The following PML variants were observed in gnomAD, a reference collection of about 807,000 sequenced individuals.
PML encodes protein PML.
In PML, 28 loss-of-function variants were observed where a neutral mutation model predicts 65.2. The observed-to-expected ratio is 0.43, with a 90% confidence interval of 0.32 to 0.59. The LOEUF (loss-of-function observed/expected upper bound fraction) is 0.59. Ranked by LOEUF, PML falls within the 20% of genes least tolerant of loss-of-function variation. PML has a pLI of 0.08. For missense variants in PML, 1,021 were observed against 1,203.4 expected (o/e 0.85, Z 2.24); for synonymous variants, 500 against 508.8 (o/e 0.98, Z 0.23).
Position 74,035,164 on chromosome 15 carries a change from T to C in PML, c.1710+634T>C, listed in dbSNP as rs369839253. The C allele has an allele frequency of 1.5e-5, 19 of 1,227,168 alleles. No individual in the cohort carries two copies. The highest frequency in any genetic ancestry group is 3.0e-5 in the African/African-American group (2 of 67,430). The allele number at this position is 1,227,168 out of a possible 1,614,324, so 76.0% of individuals were successfully genotyped here. On this transcript the variant is annotated intron_variant, in intron 7 of 8. Coordinates refer to ENST00000268058, the MANE Select transcript of PML (RefSeq NM_033238.3). The surrounding 1 kb of genome is among the most constrained non-coding windows in gnomAD (Gnocchi z 4.1). The stretch of plus-strand genomic sequence containing the variant: ...CCAGCCCTCAGTCTGAGGTTCTGTA[T>C]TGGAAAGTGCATGGAGCCCATGGAG...
chr15:74,035,201 ACAGTCCTCGCCAGCC>A lies in PML; in HGVS notation c.1710+674_1710+688del. 3 of 1,452,498 alleles carry A rather than the reference ACAGTCCTCGCCAGCC, an allele frequency of 2.1e-6. No homozygotes were observed. Among genetic ancestry groups the A allele is most frequent in the Admixed American group, 3.3e-5 (2 of 59,794 alleles). 90.0% of individuals were successfully genotyped at this position (1,452,498 alleles called of 1,614,324 possible). On this transcript the variant is annotated intron_variant, in intron 7 of 8. Transcript: ENST00000268058. The surrounding 1 kb of genome is among the most constrained non-coding windows in gnomAD (Gnocchi z 4.1). ...TGGAGCCCATGGAGACCGCCGAGCC[ACAGTCCTCGCCAGCC>A]CACTCCTCGCCAGCCCACTCCTCGC...
rs1234260214 is a variant in PML, at chr15:74,037,245, G to C, written c.1710+2715G>C. The C allele has an allele frequency of 3.0e-6, 3 of 985,224 alleles. No homozygotes were observed. Among genetic ancestry groups the C allele is most frequent in the Non-Finnish European group, 3.6e-6 (3 of 829,926 alleles). 61.0% of individuals were successfully genotyped at this position (985,224 alleles called of 1,614,324 possible). On this transcript the variant is annotated intron_variant, in intron 7 of 8. Coordinates refer to ENST00000268058, the MANE Select transcript of PML (RefSeq NM_033238.3). The surrounding 1 kb of genome is among the most constrained non-coding windows in gnomAD (Gnocchi z 4.2). ...CTGATGGCGGCACCTTCTGCTCCAG[G>C]GAGAAAACAGGAGCTCTCCAATGGC...
chr15:74,002,440 T>C (rs1397549108), intron 2 of PML, among the ~76,000 whole-genome samples: 5 of 122,120 alleles, frequency 4.1e-5, no homozygotes, highest in African/African-American at 8.7e-5. Flanking sequence ...CCTTTCTTTC[T>C]TTTCTTTTTT....
intron 2 of PML, among the ~76,000 whole-genome samples, chr15:74,013,550 T>C (rs2070425873): frequency 6.6e-6 from 1 of 152,258 alleles, no homozygotes; most frequent in Admixed American, 6.5e-5. Flanking sequence ...AAATTCCTGC[T>C]GTGGCATATT....
chr15:74,010,438 G>T (rs1254286462), intron 2 of PML, among the ~76,000 whole-genome samples: 3 of 150,252 alleles, frequency 2.0e-5, no homozygotes, highest in Non-Finnish European at 4.4e-5. Flanking sequence ...GATCACTTGA[G>T]CCTCAGAGGT....
rs550677820 is a variant in PML at position 74,037,687 on chromosome 15, G to C, written c.1710+3157G>C. 2 of 985,360 alleles carry C rather than the reference G, an allele frequency of 2.0e-6. No individual in the cohort carries two copies. The highest frequency in any genetic ancestry group is 1.7e-5 in the African/African-American group (1 of 57,334). The allele number at this position is 985,360 out of a possible 1,614,324, so 61.0% of individuals were successfully genotyped here. A position where few individuals can be genotyped will look rare whatever the true frequency, so the allele number is the denominator to read the frequency against. The stretch of plus-strand genomic sequence containing the variant: ...ATTATTCTTGACCGGCGCTGGGCCC[G>C]GTCTTTCCTGGAAAGATCGCCTGCT... On this transcript the variant is annotated intron_variant, in intron 7 of 8. Coordinates refer to ENST00000268058, the MANE Select transcript of PML (RefSeq NM_033238.3). The surrounding 1 kb of genome is among the most constrained non-coding windows in gnomAD (Gnocchi z 4.2).
intron 4 of PML, among the ~76,000 whole-genome samples, chr15:74,029,835 G>GACTA (rs2071239466): frequency 6.6e-6 from 1 of 152,180 alleles, no homozygotes; most frequent in Non-Finnish European, 1.5e-5. Context: ...CTTTCCTAGA[G>GACTA]GCCTGGCAGA....
In PML at chr15:73,995,588, A is replaced by G. The variant is rs148481614; in HGVS notation, c.129+647A>G. Among the ~76,000 whole-genome samples the G allele has an allele frequency of 2.0e-3, 307 of 152,386 alleles. 2 individuals carry two copies. Among genetic ancestry groups the G allele is most frequent in the African/African-American group, 7.1e-3 (296 of 41,582 alleles). ...ACTCCCCTTCATGAAAGTACAGAGGACACCGTATTACAGTAACTTTTATAA... is the reference window on the plus strand; with the variant it reads ...ACTCCCCTTCATGAAAGTACAGAGGGCACCGTATTACAGTAACTTTTATAA... On this transcript the variant is annotated intron_variant, in intron 1 of 8. Transcript: ENST00000268058.
Position 74,021,638 on chromosome 15 carries a change from A to G in PML, c.603-1190A>G, listed in dbSNP as rs569324082. Among the ~76,000 whole-genome samples the G allele has an allele frequency of 7.1e-4, 108 of 152,244 alleles. 1 individual carries two copies. Among genetic ancestry groups the G allele is most frequent in the Non-Finnish European group, 1.3e-3 (87 of 68,018 alleles). On this transcript the variant is annotated intron_variant, in intron 2 of 8. Coordinates refer to ENST00000268058, the MANE Select transcript of PML (RefSeq NM_033238.3). ...TAAAATACAAACACTTTGATCTAGC[A>G]GGCCTATATTTATAATCTATTTCAT...
chr15:74,043,348 T>C lies in PML; in HGVS notation c.1861+209T>C. 1 of 1,448,668 alleles carries C rather than the reference T, an allele frequency of 6.9e-7. No individual in the cohort carries two copies. The highest frequency in any genetic ancestry group is 9.0e-7 in the Non-Finnish European group (1 of 1,108,452). 89.7% of individuals were successfully genotyped at this position (1,448,668 alleles called of 1,614,324 possible). On this transcript the variant is annotated intron_variant, in intron 8 of 8. Coordinates refer to ENST00000268058, the MANE Select transcript of PML (RefSeq NM_033238.3). This position sits in a 1 kb window ranked among gnomAD's most constrained non-coding sequence, Gnocchi z 4.3. ...AAAGATGTCCGCCTTATCCAGTGCC[T>C]GAGTGTGCGAGAGAGGCAGATGCCT...
intron 3 of PML, among the ~76,000 whole-genome samples, 177 bp from the exon 4 acceptor site, chr15:74,024,680 T>G (rs554072512): frequency 6.6e-6 from 1 of 152,310 alleles, no homozygotes; most frequent in African/African-American, 2.4e-5. Context: ...CCCACTGCAT[T>G]CGAGAGAGCT....
intron 4 of PML, among the ~76,000 whole-genome samples, chr15:74,031,042 A>G (rs1168960693): frequency 6.6e-6 from 1 of 151,568 alleles, no homozygotes; most frequent in East Asian, 1.9e-4. Context: ...AGCCTCCTGT[A>G]CTTTCATAAT....
At chr15:74,022,703 G>C (rs2070893351) in intron 2 of PML, 125 bp from the exon 3 acceptor site, 1 of 816,980 alleles carries the variant, frequency 1.2e-6, no homozygotes. Flanking sequence ...ATTAGGAAAA[G>C]CAGAAACCTA....
At chr15:74,044,157 C>T (rs939787545) in intron 8 of PML, 64 bp from the exon 9 acceptor site, 12 of 1,556,536 alleles carry the variant, frequency 7.7e-6, no homozygotes, top group Middle Eastern at 1.7e-4. Context: ...TAGAGGACCC[C>T]CTGCTCCCAC....
In PML at chr15:74,044,399, G is replaced by C. The variant is rs1567141785; in HGVS notation, c.2040G>C (p.Trp680Cys). ...RRPILACYKL[W>C]GPGLPNFFRA... ...CTATCTTGGCCTGCTACAAGCTGTGGGGGCCTGGCCTCCCAAACTTCTTCC... is the reference window on the plus strand; with the variant it reads ...CTATCTTGGCCTGCTACAAGCTGTGCGGGCCTGGCCTCCCAAACTTCTTCC... The change falls in exon 9 of 9, where the codon TGG becomes TGC. Residue 680 changes from tryptophan (W) to cysteine (C), a missense_variant. Transcript: ENST00000268058. 1 of 1,614,216 alleles carries C rather than the reference G, an allele frequency of 6.2e-7. No individual in the cohort carries two copies. Among genetic ancestry groups the C allele is most frequent in the Admixed American group, 1.7e-5 (1 of 60,030 alleles).
intron 4 of PML, among the ~76,000 whole-genome samples, chr15:74,028,960 C>T (rs1057069116): frequency 2.6e-5 from 4 of 152,296 alleles, no homozygotes; most frequent in Middle Eastern, 3.4e-3. Flanking sequence ...ACTATGAACA[C>T]GGGTGTACAG....
chr15:74,004,151 C>A (rs957386079), intron 2 of PML, among the ~76,000 whole-genome samples: 1 of 151,736 alleles, frequency 6.6e-6, no homozygotes, highest in African/African-American at 2.4e-5. Flanking sequence ...ACTCTGTCAC[C>A]CAGGTTGGAA....
Position 74,043,648 on chromosome 15 carries a change from T to C in PML, c.1861+509T>C. ...CCCTGGCTCTGCAAATGCCCCTCCT[T>C]GAGCCAGAGCCCCAGGCCCTACCCT... On this transcript the variant is annotated intron_variant, in intron 8 of 8. Coordinates refer to ENST00000268058, the MANE Select transcript of PML (RefSeq NM_033238.3). The surrounding 1 kb of genome is among the most constrained non-coding windows in gnomAD (Gnocchi z 4.3). 2.0e-6 allele frequency: 1 copy of C among 501,332 alleles called. No individual in the cohort carries two copies. Among genetic ancestry groups the C allele is most frequent in the Admixed American group, 2.2e-5 (1 of 44,992 alleles). The allele number at this position is 501,332 out of a possible 1,614,324, so 31.1% of individuals were successfully genotyped here.
At position 74,035,315 on chromosome 15, in the gene PML, C is replaced by A; in HGVS notation, c.1710+785C>A. On this transcript the variant is annotated intron_variant, in intron 7 of 8. Transcript: ENST00000268058. This position sits in a 1 kb window ranked among gnomAD's most constrained non-coding sequence, Gnocchi z 4.1. Reference sequence around the variant, plus strand: ...CCAGCCTGCCCTGTGGCACATACCACCCCCCAGCTTGGCCTCCCCACCAGC... The same window carrying A: ...CCAGCCTGCCCTGTGGCACATACCAACCCCCAGCTTGGCCTCCCCACCAGC... 2 of 1,612,298 alleles carry A rather than the reference C, an allele frequency of 1.2e-6. No individual in the cohort carries two copies. Among genetic ancestry groups the A allele is most frequent in the South Asian group, 1.1e-5 (1 of 91,064 alleles).
Sources: gnomAD v4.1 joint callset for allele counts (sites outside exome capture counted in the v4.1 genomes callset) on GRCh38, gnomAD v4.1.1 for gene constraint, Gnocchi (gnomAD v3.1) non-coding constraint, MANE v1.5 for transcripts, NCBI Gene and HGNC (gene_info 2026-07-23, HGNC 2026-07-21) for gene names.